GABRB1: variants seen among roughly 807,000 people sequenced by gnomAD.
GABRB1 encodes the protein gamma-aminobutyric acid receptor subunit beta-1.
Under a neutral mutation model 51.6 loss-of-function variants are expected in GABRB1, and 17 were observed. The observed-to-expected ratio is 0.33, with a 90% confidence interval of 0.23 to 0.49. The LOEUF is 0.49. GABRB1 is among the 20% of genes least tolerant of loss of function. GABRB1 has a pLI of 0.99. For missense variants in GABRB1, 410 were observed against 600.6 expected (o/e 0.68, Z 3.32); for synonymous variants, 247 against 218.9 (o/e 1.13, Z -1.14).
chr4:47,210,279 C>T (rs1301352467), intron 4 of GABRB1, among the ~76,000 whole-genome samples: 1 of 152,078 alleles, frequency 6.6e-6, no homozygotes, highest in African/African-American at 2.4e-5. Flanking sequence ...GTTTTTTAAT[C>T]TTATAGCTTA....
At chr4:47,119,940 GGTTTAAT>G (rs911701036) in intron 3 of GABRB1, among the ~76,000 whole-genome samples, 3 of 151,862 alleles carry the variant, frequency 2.0e-5, no homozygotes, top group African/African-American at 7.3e-5. Context: ...TCTGAAAAGA[GGTTTAAT>G]GTAACTAGTA....
intron 1 of GABRB1, among the ~76,000 whole-genome samples, chr4:46,999,904 A>G (rs1357259505): frequency 3.3e-5 from 5 of 152,224 alleles, no homozygotes; most frequent in African/African-American, 4.8e-5. Flanking sequence ...ATAACTGTGC[A>G]TGCCCAAGGA....
At chr4:47,031,376 TC>T, upstream of GABRB1, 1 of 482,222 alleles carries the variant, frequency 2.1e-6, no homozygotes. Flanking sequence ...TGAAGGAAAC[TC>T]CGTTTACACA....
chr4:47,042,581 A>G (rs1040335878), intron 3 of GABRB1, among the ~76,000 whole-genome samples: 1 of 151,140 alleles, frequency 6.6e-6, no homozygotes, highest in African/African-American at 2.4e-5. Flanking sequence ...ATTTCTAGAT[A>G]CAGGTAATAA....
chr4:47,196,583 T>C (rs1040827814), intron 4 of GABRB1, among the ~76,000 whole-genome samples: 2 of 152,194 alleles, frequency 1.3e-5, no homozygotes, highest in African/African-American at 4.8e-5. Flanking sequence ...TTCGAAGACC[T>C]TCTGGAGTTA....
intron 3 of GABRB1, among the ~76,000 whole-genome samples, chr4:47,140,364 T>G (rs1716881537): frequency 1.3e-5 from 2 of 151,988 alleles, no homozygotes; most frequent in Non-Finnish European, 2.9e-5. Flanking sequence ...TACAATTCTC[T>G]GATGACTTTG....
At chr4:47,074,264 A>C (rs1727461410) in intron 3 of GABRB1, among the ~76,000 whole-genome samples, 1 of 152,210 alleles carries the variant, frequency 6.6e-6, no homozygotes, top group Admixed American at 6.5e-5. Flanking sequence ...AACATATGTA[A>C]TATGCTCAAA....
At chr4:47,129,073 G>T (rs1344529057) in intron 3 of GABRB1, among the ~76,000 whole-genome samples, 1 of 152,038 alleles carries the variant, frequency 6.6e-6, no homozygotes, top group Non-Finnish European at 1.5e-5. Context: ...ACACAAAAGT[G>T]CTGCTGGGAA....
At chr4:47,137,636 C>A (rs1053615625) in intron 3 of GABRB1, among the ~76,000 whole-genome samples, 1 of 152,084 alleles carries the variant, frequency 6.6e-6, no homozygotes, top group African/African-American at 2.4e-5. Context: ...TGAGCAACCA[C>A]AACATTTATA....
chr4:47,017,772 T>A (rs1002257039), intron 1 of GABRB1, among the ~76,000 whole-genome samples: 1 of 152,150 alleles, frequency 6.6e-6, no homozygotes, highest in Non-Finnish European at 1.5e-5. Flanking sequence ...CATCTCTCAA[T>A]CAAAATTTTG....
chr4:47,342,167 C>CT (rs1725924032), intron 5 of GABRB1, among the ~76,000 whole-genome samples: 1 of 151,970 alleles, frequency 6.6e-6, no homozygotes, highest in South Asian at 2.1e-4. Context: ...TTTACTTTTT[C>CT]TTTTTTTCTC....
chr4:47,410,986 C>A (rs182046899), intron 8 of GABRB1, among the ~76,000 whole-genome samples: 1 of 152,280 alleles, frequency 6.6e-6, no homozygotes, highest in African/African-American at 2.4e-5. Flanking sequence ...GCCTACCAAA[C>A]CAAACTCAAC....
At chr4:47,183,039 C>T (rs1719020901) in intron 4 of GABRB1, among the ~76,000 whole-genome samples, 1 of 151,786 alleles carries the variant, frequency 6.6e-6, no homozygotes, top group Admixed American at 6.6e-5. Context: ...ACCAATGTTA[C>T]TGTTACTGGT....
intron 4 of GABRB1, among the ~76,000 whole-genome samples, chr4:47,234,530 T>A (rs1721255129): frequency 6.6e-6 from 1 of 152,060 alleles, no homozygotes. Context: ...TTCCCCAAGT[T>A]AAAATAAATG....
chr4:47,056,407 A>C (rs1050758417), intron 3 of GABRB1, among the ~76,000 whole-genome samples: 1 of 152,184 alleles, frequency 6.6e-6, no homozygotes, highest in East Asian at 1.9e-4. Context: ...CCAACCTTTC[A>C]TACCAAGGTT....
intron 5 of GABRB1, among the ~76,000 whole-genome samples, chr4:47,360,286 G>C (rs1726755644): frequency 6.6e-6 from 1 of 151,770 alleles, no homozygotes; most frequent in African/African-American, 2.4e-5. Context: ...TTTTAGGATT[G>C]AAAACCTAAG....
chr4:47,103,677 T>C (rs1287916406), intron 3 of GABRB1, among the ~76,000 whole-genome samples: 2 of 152,024 alleles, frequency 1.3e-5, no homozygotes, highest in Admixed American at 6.6e-5. Flanking sequence ...AAATGAATTA[T>C]ACGAAGTTAG....
At chr4:47,165,132 G>A (rs1718121187) in intron 4 of GABRB1, among the ~76,000 whole-genome samples, 1 of 151,998 alleles carries the variant, frequency 6.6e-6, no homozygotes, top group African/African-American at 2.4e-5. Flanking sequence ...TTACTTAAAA[G>A]CGGAGACTAT....
At chr4:47,181,313 A>G (rs563376192) in intron 4 of GABRB1, among the ~76,000 whole-genome samples, 15 of 152,120 alleles carry the variant, frequency 9.9e-5, no homozygotes, top group Middle Eastern at 3.4e-3. Flanking sequence ...TTGGCTCATC[A>G]TTTGAACTTT....
Sources: allele counts gnomAD v4.1 joint callset (sites outside exome capture counted in the v4.1 genomes callset), GRCh38; gene constraint gnomAD v4.1.1; transcripts MANE v1.5; gene names NCBI Gene and HGNC (gene_info 2026-07-23, HGNC 2026-07-21).